Variants in HEATR4 observed in about 807,000 individuals in gnomAD.
HEATR4 encodes HEAT repeat containing 4.
Under a neutral mutation model 108.8 loss-of-function variants are expected in HEATR4, and 95 were observed. The ratio of observed to expected loss-of-function variants is 0.87; its 90% confidence interval spans 0.74 to 1.04. HEATR4 has a LOEUF of 1.04. Ranked by LOEUF, HEATR4 falls within the 50% of genes least tolerant of loss-of-function variation. The pLI, the probability that HEATR4 is intolerant of heterozygous loss-of-function variation, is 0.00. For missense variants in HEATR4, 1,152 were observed against 1,253.8 expected, an observed-to-expected ratio of 0.92 and a Z score of 1.23; for synonymous variants, 443 against 459.4, an observed-to-expected ratio of 0.96 and a Z score of 0.46.
intron 17 of HEATR4, among the ~76,000 whole-genome samples, chr14:73,483,186 T>G (rs1427463793): frequency 6.6e-6 from 1 of 152,180 alleles, no homozygotes; most frequent in East Asian, 1.9e-4. Flanking sequence ...CAGGGGAGTG[T>G]GGGTTAATAT....
chr14:73,618,174 A>C, the HEATR4 span, among the ~76,000 whole-genome samples: 11 of 152,080 alleles, frequency 7.2e-5, no homozygotes, highest in African/African-American at 2.7e-4. Context: ...CAACGACAAC[A>C]AATTTTGGTA....
In HEATR4 at chr14:73,493,111, A is replaced by C. The variant is rs1748089303; in HGVS notation, c.2799T>G (p.Leu933=). ...CACAAACCTCGGAAGGTCTTCTAGG[A>C]AGAACCATCTCATCTAGGTACAAAA... is the stretch of plus-strand genomic sequence containing the variant. ...LQETFQDEMV[L]PRRPSEVCDT... Residue 933 remains leucine (L), a synonymous_variant, in exon 17 of 18, where the codon CTT becomes CTG. Coordinates refer to ENST00000553558, the MANE Select transcript of HEATR4 (RefSeq NM_001220484.1). The C allele has an allele frequency of 6.2e-7, 1 of 1,613,052 alleles. No homozygotes were observed. Among genetic ancestry groups the C allele is most frequent in the South Asian group, 1.1e-5 (1 of 91,052 alleles).
chr14:73,629,838 G>A, the HEATR4 span, among the ~76,000 whole-genome samples: 3 of 151,702 alleles, frequency 2.0e-5, no homozygotes, highest in South Asian at 2.1e-4. Flanking sequence ...TAGTAGAGAC[G>A]GGGTTTCACC....
chr14:73,491,577 G>A, intron 17 of HEATR4: 2 of 1,542,862 alleles, frequency 1.3e-6, no homozygotes, highest in East Asian at 2.4e-5. Context: ...CCGCTGCGGC[G>A]CGTCTTGGCC....
chr14:73,592,453 T>G, the HEATR4 span: 1 of 1,462,638 alleles, frequency 6.8e-7, no homozygotes, highest in African/African-American at 1.4e-5. Context: ...TGAGCGTCAG[T>G]GGCCTGAGTC....
intron 9 of HEATR4, 120 bp downstream of exon 9, chr14:73,508,014 G>A (rs1285243846): frequency 5.4e-6 from 5 of 921,360 alleles, no homozygotes; most frequent in African/African-American, 3.3e-5. Context: ...CCGAAGTGTT[G>A]GGATTACAGG....
the HEATR4 span, chr14:73,569,860 G>T: frequency 1.2e-6 from 2 of 1,605,012 alleles, no homozygotes; most frequent in Non-Finnish European, 1.7e-6. Flanking sequence ...GGCCGGGTGC[G>T]AGGCACGCTC....
At chr14:73,524,293 C>CAAAAAAAA (rs1160344592) in intron 2 of HEATR4, among the ~76,000 whole-genome samples, 13 of 56,652 alleles carry the variant, frequency 2.3e-4, no homozygotes, top group South Asian at 7.8e-4. Context: ...AACTCCGTCT[C>CAAAAAAAA]AAAAAAAAAA....
upstream of HEATR4, among the ~76,000 whole-genome samples, chr14:73,561,678 T>C (rs1246963191): frequency 6.7e-6 from 1 of 150,014 alleles, no homozygotes; most frequent in African/African-American, 2.5e-5. Context: ...AGTGAAACTC[T>C]GTCTCAAAAA....
chr14:73,597,326 C>T, the HEATR4 span, among the ~76,000 whole-genome samples: 1 of 151,940 alleles, frequency 6.6e-6, no homozygotes, highest in African/African-American at 2.4e-5. Flanking sequence ...CCTCGTGATC[C>T]ACCCGCCTCG....
At chr14:73,505,894 T>C (rs1317233897) in intron 10 of HEATR4, among the ~76,000 whole-genome samples, 2 of 147,744 alleles carry the variant, frequency 1.4e-5, no homozygotes, top group East Asian at 2.0e-4. Context: ...ACGTTTCTTT[T>C]TTTTTTTTTT....
the HEATR4 span, among the ~76,000 whole-genome samples, chr14:73,568,515 G>A: frequency 6.6e-6 from 1 of 151,794 alleles, no homozygotes; most frequent in Non-Finnish European, 1.5e-5. Context: ...TGCAGTGATG[G>A]TAAACTGCCG....
At chr14:73,612,446 C>A in the HEATR4 span, 1 of 621,300 alleles carries the variant, frequency 1.6e-6, no homozygotes, top group Non-Finnish European at 2.4e-6. Flanking sequence ...AGCCTGTCCC[C>A]AAGTCCAACC....
chr14:73,557,429 T>C (rs1889416626), intron 1 of HEATR4, among the ~76,000 whole-genome samples: 1 of 100,126 alleles, frequency 1.0e-5, no homozygotes, highest in South Asian at 3.3e-4. Flanking sequence ...GATACCTTTA[T>C]CCTGTACAAG....
At chr14:73,618,986 C>T in the HEATR4 span, among the ~76,000 whole-genome samples, 6 of 151,914 alleles carry the variant, frequency 3.9e-5, no homozygotes, top group African/African-American at 1.2e-4. Context: ...AAAAATTAGC[C>T]GGGCGTGGTG....
At chr14:73,572,593 TCA>T in the HEATR4 span, among the ~76,000 whole-genome samples, 2 of 145,164 alleles carry the variant, frequency 1.4e-5, no homozygotes, top group African/African-American at 2.5e-5. Context: ...TTTGCGGGTA[TCA>T]GCACTGAACT....
chr14:73,607,625 CT>C, the HEATR4 span, among the ~76,000 whole-genome samples: 1 of 151,820 alleles, frequency 6.6e-6, no homozygotes, highest in Non-Finnish European at 1.5e-5. Flanking sequence ...CTTTTCTTTT[CT>C]TTCTTTTTTT....
the HEATR4 span, among the ~76,000 whole-genome samples, chr14:73,614,622 A>G: frequency 1.3e-5 from 2 of 151,360 alleles, no homozygotes; most frequent in Non-Finnish European, 3.0e-5. Context: ...TGGCTCACAC[A>G]TGTAGTCCCA....
At chr14:73,512,296 T>C in intron 6 of HEATR4, 147 bp from the exon 7 acceptor site, 3 of 859,882 alleles carry the variant, frequency 3.5e-6, no homozygotes, top group Non-Finnish European at 3.5e-6. Context: ...AGAGATGGGG[T>C]CTTTAGGGAG....
Sources: allele counts gnomAD v4.1 joint callset (sites outside exome capture counted in the v4.1 genomes callset), GRCh38; gene constraint gnomAD v4.1.1; transcripts MANE v1.5; gene names NCBI Gene and HGNC (gene_info 2026-07-23, HGNC 2026-07-21).